Variants in KIF6 observed in about 807,000 individuals in gnomAD.
KIF6 encodes kinesin family member 6, also known as kinesin-like protein KIF6.
KIF6 carries 106 observed loss-of-function variants against 112.7 expected under a neutral mutation model. That is an observed-to-expected ratio of 0.94 (90% CI 0.80 to 1.11). KIF6 has a LOEUF of 1.11. Ranked by LOEUF, KIF6 falls within the 50% of genes least tolerant of loss-of-function variation. KIF6 has a pLI of 0.00. For missense variants in KIF6, 929 were observed against 964.0 expected, an observed-to-expected ratio of 0.96 and a Z score of 0.48; for synonymous variants, 339 against 339.9, an observed-to-expected ratio of 1.00 and a Z score of 0.03.
At chr6:39,385,246 G>T (rs1767311338) in intron 16 of KIF6, among the ~76,000 whole-genome samples, 1 of 152,218 alleles carries the variant, frequency 6.6e-6, no homozygotes, top group Admixed American at 6.5e-5. Context: ...GTAAACAAAT[G>T]CTGTTTTCAT....
At chr6:39,708,160 G>A (rs371815302) in intron 3 of KIF6, among the ~76,000 whole-genome samples, 26 of 152,250 alleles carry the variant, frequency 1.7e-4, no homozygotes, top group African/African-American at 6.3e-4. Flanking sequence ...ACAGGCAAAA[G>A]TCCTGCTGGG....
chr6:39,689,521 T>TAATAAG (rs1788062320), intron 3 of KIF6, among the ~76,000 whole-genome samples: 1 of 152,068 alleles, frequency 6.6e-6, no homozygotes, highest in Admixed American at 6.5e-5. Flanking sequence ...ATAATAATAA[T>TAATAAG]AATAAATAAA....
chr6:39,532,614 G>A (rs1778139036), intron 13 of KIF6, among the ~76,000 whole-genome samples: 1 of 152,098 alleles, frequency 6.6e-6, no homozygotes, highest in Non-Finnish European at 1.5e-5. Flanking sequence ...AATATTCAAA[G>A]CAAGGAGAAA....
chr6:39,536,233 T>C (rs1231825934), intron 13 of KIF6, among the ~76,000 whole-genome samples: 8 of 150,668 alleles, frequency 5.3e-5, no homozygotes, highest in East Asian at 2.0e-4. Context: ...CTGAAGGAAA[T>C]AGAGACACAA....
intron 15 of KIF6, among the ~76,000 whole-genome samples, chr6:39,390,633 A>C (rs1767804637): frequency 6.6e-6 from 1 of 152,136 alleles, no homozygotes; most frequent in South Asian, 2.1e-4. Context: ...AGAGCTCTGG[A>C]CCCAGATAAA....
intron 13 of KIF6, among the ~76,000 whole-genome samples, chr6:39,498,870 T>C (rs980977421): frequency 2.0e-5 from 3 of 152,100 alleles, no homozygotes; most frequent in African/African-American, 7.2e-5. Flanking sequence ...CCTTTGTAGG[T>C]AAATGAGAGT....
At chr6:39,538,561 G>T in intron 13 of KIF6, among the ~76,000 whole-genome samples, 1 of 151,820 alleles carries the variant, frequency 6.6e-6, no homozygotes. Flanking sequence ...AAAAAGTCAG[G>T]AAACAACAGG....
chr6:39,416,787 T>C (rs1488674094), intron 15 of KIF6, among the ~76,000 whole-genome samples: 2 of 152,208 alleles, frequency 1.3e-5, no homozygotes, highest in African/African-American at 4.8e-5. Context: ...AAAAACAAAC[T>C]ACCCGAGGAG....
intron 13 of KIF6, among the ~76,000 whole-genome samples, chr6:39,517,104 G>A (rs1319869304): frequency 6.6e-6 from 1 of 152,132 alleles, no homozygotes. Context: ...CCCTACCCAA[G>A]TGTGTCATTT....
chr6:39,435,105 C>A (rs1017395054), intron 13 of KIF6, among the ~76,000 whole-genome samples: 1 of 152,044 alleles, frequency 6.6e-6, no homozygotes, highest in Non-Finnish European at 1.5e-5. Context: ...GCAGTCATTG[C>A]GGCTCTTAGA....
intron 10 of KIF6, among the ~76,000 whole-genome samples, chr6:39,546,625 A>T (rs569781294): frequency 6.6e-6 from 1 of 152,296 alleles, no homozygotes; most frequent in East Asian, 1.9e-4. Context: ...CAGGAGTTCA[A>T]GACCAGCCTG....
intron 20 of KIF6, among the ~76,000 whole-genome samples, chr6:39,346,137 C>G (rs1192515212): frequency 5.3e-5 from 6 of 113,118 alleles, no homozygotes; most frequent in Non-Finnish European, 8.9e-5. Context: ...CTCTCCCTCT[C>G]TCTCTCTCTC....
In KIF6 at chr6:39,390,048, A is replaced by AAAAAAAAAAAAAAAAAAAAG. The variant is rs1258761315; in HGVS notation, c.1811-4377_1811-4376insCTTTTTTTTTTTTTTTTTTT. 2.5e-4 allele frequency among the ~76,000 whole-genome samples: 34 copies of AAAAAAAAAAAAAAAAAAAAG among 137,304 alleles called. 4 individuals are homozygous for AAAAAAAAAAAAAAAAAAAAG. The highest frequency in any genetic ancestry group is 8.9e-4 in the African/African-American group (29 of 32,406). 90.1% of individuals were successfully genotyped at this position (137,304 alleles called of 152,430 possible). A position where few individuals can be genotyped will look rare whatever the true frequency, so the allele number is the denominator to read the frequency against. ...TCTGTCTCCAAAAAAAAAAAAAAAA[A>AAAAAAAAAAAAAAAAAAAAG]AAAAGGAAATAATTACAAATCTGGA... On this transcript the variant is annotated intron_variant, in intron 15 of 22. Coordinates refer to ENST00000287152, the MANE Select transcript of KIF6 (RefSeq NM_145027.6).
chr6:39,494,178 A>G (rs1365286885), intron 13 of KIF6, among the ~76,000 whole-genome samples: 1 of 152,192 alleles, frequency 6.6e-6, no homozygotes, highest in Non-Finnish European at 1.5e-5. Flanking sequence ...AGTAAGGTTT[A>G]TATCTGATGA....
intron 13 of KIF6, among the ~76,000 whole-genome samples, chr6:39,528,812 G>A (rs1040172773): frequency 2.0e-5 from 3 of 152,162 alleles, no homozygotes; most frequent in African/African-American, 7.2e-5. Flanking sequence ...GTGATCTATA[G>A]ATTCAATGTA....
At chr6:39,345,647 C>T in intron 21 of KIF6, 53 bp downstream of exon 21, 1 of 1,446,590 alleles carries the variant, frequency 6.9e-7, no homozygotes, top group Non-Finnish European at 9.5e-7. Flanking sequence ...GATGGAGGCC[C>T]ACTCCGCCCA....
intron 16 of KIF6, among the ~76,000 whole-genome samples, chr6:39,380,010 G>A (rs1329479041): frequency 2.6e-5 from 4 of 152,200 alleles, no homozygotes; most frequent in Non-Finnish European, 4.4e-5. Context: ...CCTGGCACAT[G>A]GTAAAGTACT....
At chr6:39,688,774 T>C (rs1369484295) in intron 3 of KIF6, among the ~76,000 whole-genome samples, 12 of 152,242 alleles carry the variant, frequency 7.9e-5, no homozygotes, top group African/African-American at 2.9e-4. Context: ...GAGAACTGTA[T>C]ACAATCTGGC....
chr6:39,543,798 G>A (rs577803890), intron 12 of KIF6, among the ~76,000 whole-genome samples: 1 of 152,164 alleles, frequency 6.6e-6, no homozygotes, highest in South Asian at 2.1e-4. Flanking sequence ...ACCCCACAGG[G>A]GCTCCATAGA....
Sources: gnomAD v4.1 joint callset for allele counts (sites outside exome capture counted in the v4.1 genomes callset) on GRCh38, gnomAD v4.1.1 for gene constraint, MANE v1.5 for transcripts, NCBI Gene and HGNC (gene_info 2026-07-23, HGNC 2026-07-21) for gene names.